The following LATS2 variants were observed in gnomAD, a reference collection of about 807,000 sequenced individuals.
The protein encoded by LATS2 is serine/threonine-protein kinase LATS2.
Under a neutral mutation model 76.0 loss-of-function variants are expected in LATS2, and 24 were observed. The observed-to-expected ratio is 0.32, with a 90% CI of 0.23 to 0.44. LATS2 has a LOEUF of 0.44. Among genes scored for constraint, LATS2 ranks in the 20% least tolerant of loss-of-function variants. LATS2 has a pLI of 1.00. For missense variants in LATS2, 1,286 were observed against 1,481.2 expected, an observed-to-expected ratio of 0.87 and a Z score of 2.16; for synonymous variants, 692 against 635.4, an observed-to-expected ratio of 1.09 and a Z score of -1.34.
intron 2 of LATS2, among the ~76,000 whole-genome samples, chr13:21,037,409 CATA>C (rs1398533850): frequency 6.6e-6 from 1 of 152,122 alleles, no homozygotes; most frequent in African/African-American, 2.4e-5. Flanking sequence ...TCTCAAAAAT[CATA>C]ATAATTTTAA....
At chr13:20,975,706 T>C (rs1869587920) in intron 7 of LATS2, among the ~76,000 whole-genome samples, 1 of 152,202 alleles carries the variant, frequency 6.6e-6, no homozygotes, top group African/African-American at 2.4e-5. Flanking sequence ...TTTTTTGAGA[T>C]GGAGTCTCGC....
In LATS2 at chr13:20,981,455, G is replaced by T; in HGVS notation, c.2665+11C>A. On this transcript the variant is annotated intron_variant, in intron 6 of 7. Coordinates refer to ENST00000382592, the MANE Select transcript of LATS2 (RefSeq NM_014572.3). ...GACCTCCTGCGGGGTGGCTGGCCAT[G>T]GCGCATGTACCTTTGCGGAGGAGCA... The T allele has an allele frequency of 6.2e-7, 1 of 1,606,988 alleles. No homozygotes were observed. Among genetic ancestry groups the T allele is most frequent in the Non-Finnish European group, 8.5e-7 (1 of 1,175,822 alleles).
chr13:20,973,707 G>A lies in LATS2; in HGVS notation c.*1163C>T. ...CTAAAAGAACAAAAAAAAAGTGAGA[G>A]AACCATTAGATCACTCAGTTTCCTG... On this transcript the variant is annotated 3_prime_UTR_variant, in exon 8 of 8. Coordinates refer to ENST00000382592, the MANE Select transcript of LATS2 (RefSeq NM_014572.3). 4.3e-6 allele frequency: 1 copy of A among 230,528 alleles called. No homozygotes were observed. The highest frequency in any genetic ancestry group is 6.2e-5 in the East Asian group (1 of 16,092). The allele number at this position is 230,528 out of a possible 1,614,324, so 14.3% of individuals were successfully genotyped here.
intron 5 of LATS2, 82 bp downstream of exon 5, chr13:20,983,142 T>C (rs981860883): frequency 1.1e-6 from 1 of 920,442 alleles, no homozygotes; most frequent in Admixed American, 2.3e-5. Context: ...TAGGAGCCAC[T>C]AGGATGGGAA....
intron 2 of LATS2, among the ~76,000 whole-genome samples, chr13:21,018,601 C>T (rs1306377102): frequency 1.3e-5 from 2 of 152,192 alleles, no homozygotes; most frequent in East Asian, 3.8e-4. Flanking sequence ...ACCCAGGTGC[C>T]TGAGAGTGAC....
chr13:21,032,773 C>G (rs74507827), intron 2 of LATS2, among the ~76,000 whole-genome samples: 3,445 of 152,164 alleles, frequency 0.023, 160 homozygotes, highest in African/African-American at 0.079. Context: ...TTAGCGGGCA[C>G]TGGGATGAAT....
intron 1 of LATS2, among the ~76,000 whole-genome samples, chr13:21,059,101 A>G (rs1178935371): frequency 6.6e-6 from 1 of 152,218 alleles, no homozygotes; most frequent in Non-Finnish European, 1.5e-5. Flanking sequence ...AAGATCACAC[A>G]CATTTTTGTG....
intron 2 of LATS2, among the ~76,000 whole-genome samples, chr13:21,003,782 T>TG (rs1335250347): frequency 6.6e-6 from 1 of 151,870 alleles, no homozygotes; most frequent in East Asian, 1.9e-4. Context: ...TTCACCATGT[T>TG]GCCTAGGCTG....
chr13:21,007,736 GTA>G (rs1181968793), intron 2 of LATS2, among the ~76,000 whole-genome samples: 2 of 910 alleles, frequency 2.2e-3, no homozygotes, highest in Non-Finnish European at 4.1e-3. Context: ...TATATATATA[GTA>G]TATATATATA....
At chr13:21,024,528 G>A (rs1872227183) in intron 2 of LATS2, among the ~76,000 whole-genome samples, 1 of 151,856 alleles carries the variant, frequency 6.6e-6, no homozygotes, top group African/African-American at 2.4e-5. Context: ...TTCTCGCCAG[G>A]GCATATCTAA....
At chr13:21,010,549 A>T (rs530690467) in intron 2 of LATS2, among the ~76,000 whole-genome samples, 14 of 152,348 alleles carry the variant, frequency 9.2e-5, no homozygotes, top group African/African-American at 2.2e-4. Flanking sequence ...AAAATCAAAT[A>T]GTGCAAATAA....
intron 2 of LATS2, among the ~76,000 whole-genome samples, chr13:21,031,684 C>T (rs903831287): frequency 1.3e-5 from 2 of 152,056 alleles, no homozygotes; most frequent in Non-Finnish European, 2.9e-5. Flanking sequence ...AATAGTGAGA[C>T]CCTGTCTCTA....
chr13:21,002,994 C>T (rs1467569452), intron 2 of LATS2, among the ~76,000 whole-genome samples: 2 of 152,192 alleles, frequency 1.3e-5, no homozygotes, highest in Non-Finnish European at 2.9e-5. Flanking sequence ...TGAGTCACTG[C>T]ACCTGGCCTA....
chr13:21,035,821 T>C (rs1872668546), intron 2 of LATS2, among the ~76,000 whole-genome samples: 1 of 152,216 alleles, frequency 6.6e-6, no homozygotes, highest in Non-Finnish European at 1.5e-5. Context: ...CAGTGATTCC[T>C]AGAGCCCACC....
Position 21,051,792 on chromosome 13 carries a change from CTAAAAGTAATTAAA to C in LATS2, c.-204-5576_-204-5563del, listed in dbSNP as rs1171473326. Among the ~76,000 whole-genome samples the C allele has an allele frequency of 9.2e-5, 14 of 152,224 alleles. No individual in the cohort carries two copies. In the East Asian group the frequency reaches 2.7e-3, roughly 29 times the overall value. The stretch of plus-strand genomic sequence containing the variant: ...TGGGCAACAGAGGCAGACGGCATTT[CTAAAAGTAATTAAA>C]TAATTAACCAGGTGTGGAGGCACAC... On this transcript the variant is annotated intron_variant, in intron 1 of 7. Transcript: ENST00000382592.
intron 2 of LATS2, among the ~76,000 whole-genome samples, chr13:21,010,201 A>ACAAACAAACAAACAAACAAAC (rs148603382): frequency 1.3e-5 from 2 of 150,610 alleles, no homozygotes; most frequent in African/African-American, 4.9e-5. Context: ...CTCTGTCAAA[A>ACAAACAAACAAACAAACAAAC]AAACAAACAA....
chr13:20,994,581 C>A (rs560813892), intron 2 of LATS2, among the ~76,000 whole-genome samples: 2 of 152,288 alleles, frequency 1.3e-5, no homozygotes, highest in African/African-American at 4.8e-5. Flanking sequence ...CTTGGCCACT[C>A]ACCTTCCTTT....
chr13:20,974,012 A>T lies in LATS2; in HGVS notation c.*858T>A, dbSNP rs895547681. ...ATCCAATCACAACCAAGACACACAC[A>T]CAAATCACTTCTCAGTTACACATCT... On this transcript the variant is annotated 3_prime_UTR_variant, in exon 8 of 8. Transcript: ENST00000382592. 1.5e-5 allele frequency: 3 copies of T among 197,462 alleles called. No individual in the cohort carries two copies. The highest frequency in any genetic ancestry group is 7.4e-5 in the African/African-American group (3 of 40,354). 12.2% of individuals were successfully genotyped at this position (197,462 alleles called of 1,614,324 possible).
intron 2 of LATS2, among the ~76,000 whole-genome samples, chr13:20,995,962 A>C (rs1311037424): frequency 1.3e-5 from 2 of 152,218 alleles, no homozygotes; most frequent in Non-Finnish European, 2.9e-5. Context: ...TCCCTCACAC[A>C]CTAAATTTTT....
Sources: gnomAD v4.1 joint callset for allele counts (sites outside exome capture counted in the v4.1 genomes callset) on GRCh38, gnomAD v4.1.1 for gene constraint, MANE v1.5 for transcripts, NCBI Gene and HGNC (gene_info 2026-07-23, HGNC 2026-07-21) for gene names.